Variants in CSNK1D observed in about 807,000 individuals in gnomAD.
CSNK1D encodes casein kinase I isoform delta.
In CSNK1D, 16 loss-of-function variants were observed where a neutral mutation model predicts 46.6. That is an observed-to-expected ratio of 0.34 (90% CI 0.23 to 0.52). The LOEUF (loss-of-function observed/expected upper bound fraction) is 0.52, where lower values mean the gene tolerates loss of function less well. Among genes scored for constraint, CSNK1D ranks in the 20% least tolerant of loss-of-function variants. CSNK1D has a pLI of 0.95. For missense variants in CSNK1D, 398 were observed against 578.4 expected, an observed-to-expected ratio of 0.69 and a Z score of 3.20; for synonymous variants, 276 against 228.2, an observed-to-expected ratio of 1.21 and a Z score of -1.89.
In CSNK1D at chr17:82,268,059, C is replaced by T. The variant is rs984695160; in HGVS notation, c.77-2263G>A. Among the ~76,000 whole-genome samples the T allele has an allele frequency of 2.6e-4, 39 of 152,262 alleles. 6 individuals are homozygous for T. The highest frequency in any genetic ancestry group is 2.3e-3 in the Admixed American group (35 of 15,286). ...CTCGCTGTGCAAGCACACAGATGTG[C>T]AAGCACACAGAGCCAGCCCTCCTGT... On this transcript the variant is annotated intron_variant, in intron 1 of 8. Coordinates refer to ENST00000314028, the MANE Select transcript of CSNK1D (RefSeq NM_001893.6).
chr17:82,268,204 G>A (rs572555983), intron 1 of CSNK1D, among the ~76,000 whole-genome samples: 21 of 152,306 alleles, frequency 1.4e-4, no homozygotes, highest in African/African-American at 5.1e-4. Context: ...TCACCTGCTG[G>A]GCAGAAGCAT....
intron 1 of CSNK1D, among the ~76,000 whole-genome samples, chr17:82,271,126 A>G (rs528987856): frequency 1.3e-5 from 2 of 152,342 alleles, no homozygotes; most frequent in Admixed American, 6.5e-5. Flanking sequence ...CCCAGGCTGC[A>G]GTGCAGTGGT....
At chr17:82,253,277 C>G in intron 3 of CSNK1D, 33 bp from the exon 4 acceptor site, 1 of 1,563,502 alleles carries the variant, frequency 6.4e-7, no homozygotes, top group Non-Finnish European at 8.8e-7. Flanking sequence ...AGATGGCACC[C>G]CAGGGCAGTC....
chr17:82,263,885 G>C (rs1454619046), intron 2 of CSNK1D, among the ~76,000 whole-genome samples: 1 of 152,218 alleles, frequency 6.6e-6, no homozygotes, highest in East Asian at 1.9e-4. Context: ...CGCCAGACAG[G>C]CTCCCAGGGC....
intron 1 of CSNK1D, among the ~76,000 whole-genome samples, chr17:82,268,907 C>G (rs1333506125): frequency 6.6e-6 from 1 of 151,700 alleles, no homozygotes; most frequent in East Asian, 1.9e-4. Context: ...CAGCCTGGCC[C>G]ACATGGTGAA....
intron 8 of CSNK1D, chr17:82,245,891 C>A: frequency 7.2e-7 from 1 of 1,391,334 alleles, no homozygotes; most frequent in Non-Finnish European, 9.9e-7. Flanking sequence ...GCAAGCCCAG[C>A]CCACCTGCAA....
At chr17:82,267,517 C>T (rs1344931231) in intron 1 of CSNK1D, among the ~76,000 whole-genome samples, 1 of 152,192 alleles carries the variant, frequency 6.6e-6, no homozygotes. Flanking sequence ...CACCGGGTCA[C>T]CGCCAGTGAC....
chr17:82,270,351 G>A (rs1367986753), intron 1 of CSNK1D, among the ~76,000 whole-genome samples: 1 of 152,086 alleles, frequency 6.6e-6, no homozygotes, highest in African/African-American at 2.4e-5. Context: ...CCCCTTCCTG[G>A]TCTCAAACAT....
At chr17:82,262,510 CGTAAAGATCAG>C (rs1165248471) in intron 2 of CSNK1D, among the ~76,000 whole-genome samples, 1 of 152,194 alleles carries the variant, frequency 6.6e-6, no homozygotes, top group Non-Finnish European at 1.5e-5. Context: ...ATCAAGCAAA[CGTAAAGATCAG>C]AACCTGGCAC....
Position 82,244,852 on chromosome 17 carries a change from GAGA to G in CSNK1D, c.1198-24_1198-22del, listed in dbSNP as rs2050809253. On this transcript the variant is annotated intron_variant, in intron 8 of 8. Transcript: ENST00000314028. ...GGAATCTGTCGGAGCCAAAGCACAG[GAGA>G]AGGTCAGCATGGGGCTGGGGGAGCC... The G allele has an allele frequency of 2.5e-6, 4 of 1,613,468 alleles. No individual in the cohort carries two copies. In the South Asian group the frequency reaches 3.3e-5, roughly 13 times the overall value.
chr17:82,245,475 A>AT (rs1184079652), intron 8 of CSNK1D: 2 of 212,960 alleles, frequency 9.4e-6, no homozygotes, highest in African/African-American at 4.7e-5. Context: ...ATGAGACAGG[A>AT]AGAGAGAGGC....
chr17:82,239,803 C>A (rs113201258), downstream of CSNK1D: 5 of 402,262 alleles, frequency 1.2e-5, no homozygotes, highest in Admixed American at 8.8e-5. Context: ...CGCCCCTCTG[C>A]CTGGCTGGCA....
At position 82,243,500 on chromosome 17, in the gene CSNK1D, T is replaced by A; in HGVS notation, c.*1281A>T. 1.0e-6 allele frequency: 1 copy of A among 985,518 alleles called. No homozygotes were observed. Among genetic ancestry groups the A allele is most frequent in the Non-Finnish European group, 1.2e-6 (1 of 829,994 alleles). 61.0% of individuals were successfully genotyped at this position (985,518 alleles called of 1,614,324 possible). On this transcript the variant is annotated 3_prime_UTR_variant, in exon 9 of 9. Transcript: ENST00000314028. Reference sequence around the variant, plus strand: ...CACCAGCTCACGGAGGCCACCTGCCTTCTGGTGGGACTCGGCCCCACGCAC... The same window carrying A: ...CACCAGCTCACGGAGGCCACCTGCCATCTGGTGGGACTCGGCCCCACGCAC...
At position 82,244,744 on chromosome 17, in the gene CSNK1D, A is replaced by G. The variant is rs755470214; in HGVS notation, c.*37T>C. On this transcript the variant is annotated 3_prime_UTR_variant, in exon 9 of 9. Transcript: ENST00000314028. ...CCATTGGTAACAGAGTAGATCAGCC[A>G]TGCATTGTCTGCCCTTCACAGCAAT... 1 of 1,613,788 alleles carries G rather than the reference A, an allele frequency of 6.2e-7. No individual in the cohort carries two copies. Among genetic ancestry groups the G allele is most frequent in the Non-Finnish European group, 8.5e-7 (1 of 1,180,012 alleles).
chr17:82,250,359 G>A lies in CSNK1D; in HGVS notation c.886-757C>T, dbSNP rs1427366792. 1 of 446,458 alleles carries A rather than the reference G, an allele frequency of 2.2e-6. No individual in the cohort carries two copies. The highest frequency in any genetic ancestry group is 1.8e-5 in the South Asian group (1 of 54,508). The allele number at this position is 446,458 out of a possible 1,614,324, so 27.7% of individuals were successfully genotyped here. A position where few individuals can be genotyped will look rare whatever the true frequency, so the allele number is the denominator to read the frequency against. ...GCTGCAGCACCGTGCGGCCAGCACC[G>A]CCCAGACTCCTCATGCTGCCATTTA... On this transcript the variant is annotated intron_variant, in intron 6 of 8. Coordinates refer to ENST00000314028, the MANE Select transcript of CSNK1D (RefSeq NM_001893.6). This position sits in a 1 kb window ranked among gnomAD's most constrained non-coding sequence, Gnocchi z 4.6.
rs1444001204 is a variant in CSNK1D, at chr17:82,250,501, G to A, written c.885+878C>T. On this transcript the variant is annotated intron_variant, in intron 6 of 8. Transcript: ENST00000314028. This position sits in a 1 kb window ranked among gnomAD's most constrained non-coding sequence, Gnocchi z 4.6. ...GGCAGAGGGACTGATCTGCCCTGCC[G>A]AGTGCACCCCTCCCGGCACCTGGGC... 1.1e-5 allele frequency: 3 copies of A among 275,850 alleles called. No individual in the cohort carries two copies. Among genetic ancestry groups the A allele is most frequent in the South Asian group, 3.1e-5 (1 of 32,694 alleles). 17.1% of individuals were successfully genotyped at this position (275,850 alleles called of 1,614,324 possible). A position where few individuals can be genotyped will look rare whatever the true frequency, so the allele number is the denominator to read the frequency against.
chr17:82,242,607 T>C (rs2050756765), downstream of CSNK1D: 2 of 973,606 alleles, frequency 2.1e-6, no homozygotes, highest in Non-Finnish European at 2.4e-6. Flanking sequence ...ACAGTTCACC[T>C]CAACACAGTG....
Position 82,243,941 on chromosome 17 carries a change from G to T in CSNK1D, c.*840C>A. 1 of 985,836 alleles carries T rather than the reference G, an allele frequency of 1.0e-6. No homozygotes were observed. 61.1% of individuals were successfully genotyped at this position (985,836 alleles called of 1,614,324 possible). On this transcript the variant is annotated 3_prime_UTR_variant, in exon 9 of 9. Coordinates refer to ENST00000314028, the MANE Select transcript of CSNK1D (RefSeq NM_001893.6). Reference sequence around the variant, plus strand: ...CAAAGCCTCTGCTTCCAAGCTCTCAGCTGCCTGCCCACCTCCTGGGGAAGA... The same window carrying T: ...CAAAGCCTCTGCTTCCAAGCTCTCATCTGCCTGCCCACCTCCTGGGGAAGA...
intron 2 of CSNK1D, chr17:82,265,415 A>G (rs139768616): frequency 4.5e-6 from 2 of 440,094 alleles, no homozygotes; most frequent in Non-Finnish European, 8.5e-6. Flanking sequence ...CTGACCTCAA[A>G]TGATCCACCC....
Sources: allele counts gnomAD v4.1 joint callset (sites outside exome capture counted in the v4.1 genomes callset), GRCh38; gene constraint gnomAD v4.1.1; non-coding constraint Gnocchi (gnomAD v3.1); transcripts MANE v1.5; gene names NCBI Gene and HGNC (gene_info 2026-07-23, HGNC 2026-07-21).